SLIT1: variants seen among roughly 807,000 people sequenced by gnomAD.
SLIT1 encodes the protein slit homolog 1 protein.
Under a neutral mutation model 186.1 loss-of-function variants are expected in SLIT1, and 66 were observed. The ratio of observed to expected loss-of-function variants is 0.35; its 90% CI spans 0.29 to 0.44. The LOEUF is 0.44. Among genes scored for constraint, SLIT1 ranks in the 20% least tolerant of loss-of-function variants. The pLI, the probability that SLIT1 is intolerant of heterozygous loss-of-function variation, is 1.00. For synonymous variants in SLIT1, 761 were observed against 833.8 expected (o/e 0.91, Z 1.50); for missense variants, 1,638 against 2,037.4 (o/e 0.80, Z 3.77).
chr10:97,105,717 A>G (rs1849407031), intron 4 of SLIT1, among the ~76,000 whole-genome samples: 1 of 152,142 alleles, frequency 6.6e-6, no homozygotes, highest in African/African-American at 2.4e-5. Context: ...TTAATTAAGG[A>G]ACTTGAGGTG....
At chr10:97,109,548 C>T (rs1433575970) in intron 4 of SLIT1, among the ~76,000 whole-genome samples, 1 of 152,306 alleles carries the variant, frequency 6.6e-6, no homozygotes, top group African/African-American at 2.4e-5. Flanking sequence ...GCATCTCTTG[C>T]TCTCTCTAAC....
intron 5 of SLIT1, chr10:97,065,691 A>G: frequency 3.8e-6 from 1 of 266,006 alleles, no homozygotes. Context: ...CAGCTCTCCC[A>G]ACCCAAATAT....
At chr10:97,120,479 C>G (rs189343555) in intron 4 of SLIT1, among the ~76,000 whole-genome samples, 5 of 152,356 alleles carry the variant, frequency 3.3e-5, no homozygotes, top group Admixed American at 1.3e-4. Flanking sequence ...AAACAAAACT[C>G]CGGGCAGGCT....
At chr10:97,018,828 C>G in intron 27 of SLIT1, 145 bp from the exon 28 acceptor site, 1 of 631,558 alleles carries the variant, frequency 1.6e-6, no homozygotes, top group South Asian at 1.9e-5. Context: ...TTCATTCATT[C>G]ATTCATTCAT....
At chr10:97,017,854 T>C (rs1478082990) in intron 28 of SLIT1, among the ~76,000 whole-genome samples, 1 of 150,834 alleles carries the variant, frequency 6.6e-6, no homozygotes, top group African/African-American at 2.4e-5. Flanking sequence ...TTTTCTTTTT[T>C]TTTTTTTTTT....
At chr10:97,034,628 GC>G in intron 22 of SLIT1, 86 bp from the exon 23 acceptor site, 2 of 1,218,332 alleles carry the variant, frequency 1.6e-6, no homozygotes, top group Non-Finnish European at 2.4e-6. Context: ...CCCTCACTCT[GC>G]CCAGGGCCAT....
chr10:97,121,620 C>A (rs1387416185), intron 4 of SLIT1, among the ~76,000 whole-genome samples: 1 of 152,192 alleles, frequency 6.6e-6, no homozygotes, highest in Non-Finnish European at 1.5e-5. Context: ...GAACCCAAGT[C>A]CTAATCACAC....
In SLIT1 at chr10:97,006,096, C is replaced by T. The variant is rs1848357540; in HGVS notation, c.3579+387G>A. On this transcript the variant is annotated intron_variant, in intron 32 of 36. Coordinates refer to ENST00000266058, the MANE Select transcript of SLIT1 (RefSeq NM_003061.3). This position sits in a 1 kb window ranked among gnomAD's most constrained non-coding sequence, Gnocchi z 4.0. ...AGGATGAGTTAAGGGACCCTAGGGACATTTGGTTAAAGGTATAAGCCCAAA... is the reference window on the plus strand; with the variant it reads ...AGGATGAGTTAAGGGACCCTAGGGATATTTGGTTAAAGGTATAAGCCCAAA... Among the ~76,000 whole-genome samples the T allele has an allele frequency of 6.6e-6, 1 of 152,118 alleles. No homozygotes were observed. The highest frequency in any genetic ancestry group is 1.5e-5 in the Non-Finnish European group (1 of 68,030).
chr10:97,146,559 G>GCCCCCCCCCCCCC (rs61265496), intron 4 of SLIT1, among the ~76,000 whole-genome samples: 1 of 149,086 alleles, frequency 6.7e-6, no homozygotes, highest in South Asian at 2.2e-4. Context: ...AGGTACCCCA[G>GCCCCCCCCCCCCC]CCCCCCCCAC....
chr10:97,134,225 T>C (rs1849680585), intron 4 of SLIT1, among the ~76,000 whole-genome samples: 1 of 152,084 alleles, frequency 6.6e-6, no homozygotes, highest in African/African-American at 2.4e-5. Flanking sequence ...ACCCACCTCC[T>C]CCCACAGCCT....
At chr10:97,124,132 G>A (rs1249745603) in intron 4 of SLIT1, among the ~76,000 whole-genome samples, 1 of 152,148 alleles carries the variant, frequency 6.6e-6, no homozygotes, top group Non-Finnish European at 1.5e-5. Flanking sequence ...ACAGCTCTGG[G>A]ATATTTGAAT....
At chr10:97,103,298 C>T (rs944093566) in intron 4 of SLIT1, 3 of 152,302 alleles carry the variant, frequency 2.0e-5, no homozygotes, top group Non-Finnish European at 4.4e-5. Flanking sequence ...AACAGGGTCT[C>T]TTGCTTCCCC....
rs925578867 is a variant in SLIT1 at position 97,036,673 on chromosome 10, C to T, written c.2366+1025G>A. 2.6e-5 allele frequency among the ~76,000 whole-genome samples: 4 copies of T among 152,120 alleles called. No individual in the cohort carries two copies. In the South Asian group the frequency reaches 6.2e-4, roughly 24 times the overall value. ...AACAGTTCTGGGACTGATGTGGGCC[C>T]GTAGATTGCACTTGGAGTGGGACTG... On this transcript the variant is annotated intron_variant, in intron 22 of 36. Coordinates refer to ENST00000266058, the MANE Select transcript of SLIT1 (RefSeq NM_003061.3).
Position 97,001,184 on chromosome 10 carries a change from C to G in SLIT1, c.4533G>C (p.Glu1511Asp), listed in dbSNP as rs779753980. Residue 1511 changes from glutamate (E) to aspartate (D), a missense_variant, in exon 37 of 37, where the codon GAG becomes GAC. Glu to Asp is a conservative substitution (Grantham distance 45). Around this residue, in one of 3 missense-constraint regions of SLIT1, gnomAD observed 220 missense variants for 211.3 expected, o/e 1.04. Transcript: ENST00000266058. The stretch of plus-strand genomic sequence containing the variant: ...CGGCAAAAGAGGTCCCATCGCTGCA[C>G]TCAAAGGTGAACTTCCTCCGCTTCA... The part of the protein sequence containing the change: ...LRLKRRKFTF[E>D]CSDGTSFAEE... 2.5e-6 allele frequency: 4 copies of G among 1,613,196 alleles called. No homozygotes were observed. Among genetic ancestry groups the G allele is most frequent in the Non-Finnish European group, 3.4e-6 (4 of 1,179,888 alleles).
chr10:97,003,415 C>G (rs1489314860), intron 34 of SLIT1, among the ~76,000 whole-genome samples: 2 of 152,232 alleles, frequency 1.3e-5, no homozygotes, highest in Non-Finnish European at 2.9e-5. Context: ...CTCAGCAGCC[C>G]TCTGAAGTAG....
intron 4 of SLIT1, among the ~76,000 whole-genome samples, chr10:97,112,761 G>A (rs1849476407): frequency 6.6e-6 from 1 of 152,076 alleles, no homozygotes; most frequent in Non-Finnish European, 1.5e-5. Flanking sequence ...GAGTGCAGTG[G>A]CACAATCTCT....
intron 4 of SLIT1, among the ~76,000 whole-genome samples, chr10:97,067,196 C>T (rs977550363): frequency 6.6e-6 from 1 of 152,160 alleles, no homozygotes; most frequent in Admixed American, 6.5e-5. Flanking sequence ...GACTTCACAC[C>T]TCCCCATGAA....
At chr10:97,116,183 G>C (rs1007375418) in intron 4 of SLIT1, among the ~76,000 whole-genome samples, 1 of 152,128 alleles carries the variant, frequency 6.6e-6, no homozygotes, top group Admixed American at 6.5e-5. Flanking sequence ...GACAGGTACT[G>C]AATAAGTCTT....
chr10:97,124,084 G>A (rs1051211025), intron 4 of SLIT1, among the ~76,000 whole-genome samples: 3 of 152,190 alleles, frequency 2.0e-5, no homozygotes, highest in East Asian at 1.9e-4. Context: ...CGGAAGCCTC[G>A]GGGGTGAGAC....
Sources: allele counts gnomAD v4.1 joint callset (sites outside exome capture counted in the v4.1 genomes callset), GRCh38; gene constraint gnomAD v4.1.1; regional missense constraint gnomAD v4.1.1; non-coding constraint Gnocchi (gnomAD v3.1); transcripts MANE v1.5; gene names NCBI Gene and HGNC (gene_info 2026-07-23, HGNC 2026-07-21).